The following OTUD7B variants were observed in gnomAD, a reference collection of about 807,000 sequenced individuals.
The protein encoded by OTUD7B is OTU domain-containing protein 7B.
Under a neutral mutation model 82.2 loss-of-function variants are expected in OTUD7B, and 34 were observed. The observed-to-expected ratio is 0.41, with a 90% confidence interval of 0.31 to 0.55. OTUD7B has a LOEUF of 0.55. Among genes scored for constraint, OTUD7B ranks in the 20% least tolerant of loss-of-function variants. The pLI is 0.20. For missense variants in OTUD7B, 944 were observed against 1,062.1 expected (o/e 0.89, Z 1.55); for synonymous variants, 398 against 402.7 (o/e 0.99, Z 0.14).
the OTUD7B span, among the ~76,000 whole-genome samples, chr1:150,063,896 G>T: frequency 1.3e-5 from 2 of 152,136 alleles, no homozygotes; most frequent in African/African-American, 4.8e-5. Context: ...TTTTTCCTAA[G>T]TTTTTTCTTC....
At chr1:149,945,748 G>T (rs587771713) in intron 11 of OTUD7B, among the ~76,000 whole-genome samples, 2 of 152,222 alleles carry the variant, frequency 1.3e-5, no homozygotes, top group South Asian at 2.1e-4. Context: ...TCAACAAACA[G>T]TCCAGAAAAC....
At chr1:150,035,144 C>CAAA in the OTUD7B span, among the ~76,000 whole-genome samples, 37 of 146,956 alleles carry the variant, frequency 2.5e-4, no homozygotes, top group African/African-American at 4.2e-4. Flanking sequence ...AACTTCATCT[C>CAAA]AAAAAAAAAA....
At chr1:150,019,330 C>G in the OTUD7B span, among the ~76,000 whole-genome samples, 1 of 152,130 alleles carries the variant, frequency 6.6e-6, no homozygotes, top group African/African-American at 2.4e-5. Context: ...CATCATTTCC[C>G]AGCTCAAAAG....
the OTUD7B span, among the ~76,000 whole-genome samples, chr1:150,041,614 G>A: frequency 1.3e-5 from 2 of 152,260 alleles, no homozygotes; most frequent in East Asian, 1.9e-4. Context: ...GAAAACAGGC[G>A]TGAGCCACTG....
At chr1:149,988,627 A>G (rs1280771567) in intron 1 of OTUD7B, among the ~76,000 whole-genome samples, 1 of 152,192 alleles carries the variant, frequency 6.6e-6, no homozygotes, top group Non-Finnish European at 1.5e-5. Context: ...AGTCATACAG[A>G]AAGTCTGTTA....
At chr1:150,032,693 AAGG>A in the OTUD7B span, among the ~76,000 whole-genome samples, 25,977 of 150,842 alleles carry the variant, frequency 0.17, 2,706 homozygotes, top group East Asian at 0.45. Context: ...GAAGAAGAAG[AAGG>A]AGGAGGAGGA....
At chr1:149,960,413 T>TTTTTTTAG (rs1366020859) in intron 6 of OTUD7B, among the ~76,000 whole-genome samples, 5 of 72,566 alleles carry the variant, frequency 6.9e-5, no homozygotes, top group African/African-American at 2.1e-4. Context: ...TTTTTTTTTG[T>TTTTTTTAG]AGACAGAGTC....
At chr1:150,057,633 T>A in the OTUD7B span, among the ~76,000 whole-genome samples, 1 of 152,200 alleles carries the variant, frequency 6.6e-6, no homozygotes, top group African/African-American at 2.4e-5. Context: ...ACAACTATTT[T>A]AAAATGAAAG....
At chr1:149,963,059 T>G (rs1649264715) in intron 6 of OTUD7B, 4 of 152,230 alleles carry the variant, frequency 2.6e-5, no homozygotes. Context: ...ACTGGATTAT[T>G]TGTTTTTGAG....
chr1:149,945,863 C>T (rs1322113322), intron 11 of OTUD7B, among the ~76,000 whole-genome samples: 9 of 150,468 alleles, frequency 6.0e-5, no homozygotes, highest in Admixed American at 5.3e-4. Flanking sequence ...GAGTTCCAGA[C>T]CAGCCTGACC....
the OTUD7B span, among the ~76,000 whole-genome samples, chr1:150,048,743 G>A: frequency 7.2e-5 from 11 of 151,976 alleles, no homozygotes; most frequent in Non-Finnish European, 1.6e-4. Context: ...ACAGTATGTG[G>A]ATATAAACAA....
chr1:149,996,825 C>T (rs1485075512), intron 1 of OTUD7B, among the ~76,000 whole-genome samples: 1 of 152,068 alleles, frequency 6.6e-6, no homozygotes, highest in East Asian at 1.9e-4. Context: ...TTATGACAGA[C>T]GAGCTGTGGC....
rs1414530346 is a variant in OTUD7B, at chr1:149,967,499, G to A, written c.297C>T (p.Ile99=). The A allele has an allele frequency of 3.7e-6, 6 of 1,610,722 alleles. No individual in the cohort carries two copies. The African/African-American group carries it at 6.7e-5, about 18-fold the overall frequency. The change falls in exon 4 of 12, where the codon ATC becomes ATT. Residue 99 remains isoleucine, a synonymous_variant. Transcript: ENST00000581312. ...AAACAATGCTGGAGCTGGCGTGGGA[G>A]ATGCCCCTAGACAGGCGTTTTTCTG... ...IVQEKRLSRG[I]SHASSSIVSL... is the part of the protein sequence containing the mutation.
chr1:149,984,801 A>AG (rs1189216609), intron 1 of OTUD7B, among the ~76,000 whole-genome samples: 4 of 152,158 alleles, frequency 2.6e-5, no homozygotes, highest in Non-Finnish European at 5.9e-5. Flanking sequence ...CAAGCCAGGG[A>AG]GCCGCCCTGG....
chr1:150,048,231 G>A, the OTUD7B span, among the ~76,000 whole-genome samples: 5 of 151,984 alleles, frequency 3.3e-5, no homozygotes, highest in South Asian at 2.1e-4. Flanking sequence ...GAAAGGAGAC[G>A]TATCCTCCCA....
At chr1:150,047,402 A>G in the OTUD7B span, among the ~76,000 whole-genome samples, 1 of 152,152 alleles carries the variant, frequency 6.6e-6, no homozygotes, top group South Asian at 2.1e-4. Context: ...TTTTTGCTCT[A>G]TAGAACTTAC....
the OTUD7B span, among the ~76,000 whole-genome samples, chr1:150,050,964 C>T: frequency 6.6e-6 from 1 of 150,804 alleles, no homozygotes; most frequent in African/African-American, 2.4e-5. Context: ...TGCGGTGGCT[C>T]ACGCCTGTAA....
rs1336611314 is a variant in OTUD7B, at chr1:150,010,570, G to A, written c.-189C>T. The A allele has an allele frequency of 6.5e-6, 1 of 153,542 alleles. No individual in the cohort carries two copies. Among genetic ancestry groups the A allele is most frequent in the Non-Finnish European group, 1.5e-5 (1 of 68,864 alleles). The allele number at this position is 153,542 out of a possible 1,614,324, so 9.5% of individuals were successfully genotyped here. On this transcript the variant is annotated 5_prime_UTR_variant, in exon 1 of 12. Coordinates refer to ENST00000581312, the MANE Select transcript of OTUD7B (RefSeq NM_020205.4). ...CCCCTCCCCCGACGGCGATGGAGGT[G>A]GAGGCGGTGGTGGAGACTGCGACCG...
intron 1 of OTUD7B, among the ~76,000 whole-genome samples, chr1:149,980,545 AC>A (rs1185440159): frequency 6.6e-6 from 1 of 151,628 alleles, no homozygotes; most frequent in Non-Finnish European, 1.5e-5. Flanking sequence ...ACATGGTGAA[AC>A]CCTGTCTCTA....
Sources: gnomAD v4.1 joint callset for allele counts (sites outside exome capture counted in the v4.1 genomes callset) on GRCh38, gnomAD v4.1.1 for gene constraint, MANE v1.5 for transcripts, NCBI Gene and HGNC (gene_info 2026-07-23, HGNC 2026-07-21) for gene names.